Variants in TMC1 observed in about 807,000 individuals in gnomAD.
TMC1 encodes transmembrane channel-like protein 1.
TMC1 carries 84 observed loss-of-function variants against 105.8 expected under a neutral mutation model. That is an observed-to-expected ratio of 0.79 (90% CI 0.67 to 0.95). The LOEUF (loss-of-function observed/expected upper bound fraction) is 0.95. Ranked by LOEUF, TMC1 falls within the 40% of genes least tolerant of loss-of-function variation. TMC1 has a pLI of 0.00. For synonymous variants in TMC1, 315 were observed against 311.5 expected (o/e 1.01, Z -0.12); for missense variants, 817 against 914.1 (o/e 0.89, Z 1.37).
chr9:72,755,082 G>GAC (rs1270046428), intron 12 of TMC1, among the ~76,000 whole-genome samples, 198 bp downstream of exon 12: 1 of 148,996 alleles, frequency 6.7e-6, no homozygotes, highest in African/African-American at 2.5e-5. Context: ...GAGAGAGAGA[G>GAC]AGAGAGAGAG....
chr9:72,792,168 G>A, intron 16 of TMC1, 23 bp from the exon 17 acceptor site: 5 of 1,613,988 alleles, frequency 3.1e-6, no homozygotes, highest in Non-Finnish European at 4.2e-6. Context: ...CTTCATTTTA[G>A]TTTCTATCTC....
chr9:72,824,313 C>A (rs144231057), intron 20 of TMC1, among the ~76,000 whole-genome samples: 2 of 152,352 alleles, frequency 1.3e-5, no homozygotes, highest in African/African-American at 4.8e-5. Flanking sequence ...TGGCCCCTTG[C>A]CTCATCATGT....
chr9:72,788,301 T>A (rs753892376), intron 13 of TMC1, 38 bp from the exon 14 acceptor site: 1 of 1,613,654 alleles, frequency 6.2e-7, no homozygotes, highest in Non-Finnish European at 8.5e-7. Flanking sequence ...CCTATCTCAT[T>A]TTTTCTGGCT....
chr9:72,775,557 G>A (rs1231975961), intron 13 of TMC1, among the ~76,000 whole-genome samples: 1 of 152,180 alleles, frequency 6.6e-6, no homozygotes, highest in South Asian at 2.1e-4. Context: ...ACTACTGGAA[G>A]CAGTTGAATC....
chr9:72,739,914 A>C (rs186010440), intron 8 of TMC1, among the ~76,000 whole-genome samples: 1 of 152,220 alleles, frequency 6.6e-6, no homozygotes, highest in Non-Finnish European at 1.5e-5. Flanking sequence ...GTGAGACTAA[A>C]ATATCTTACT....
At chr9:72,811,429 A>G (rs1041637290) in intron 18 of TMC1, among the ~76,000 whole-genome samples, 3 of 152,176 alleles carry the variant, frequency 2.0e-5, no homozygotes, top group Non-Finnish European at 2.9e-5. Context: ...AGAGTTCATG[A>G]GGAGTAGAAT....
intron 20 of TMC1, among the ~76,000 whole-genome samples, chr9:72,824,721 C>A (rs954851796): frequency 6.6e-6 from 1 of 151,994 alleles, no homozygotes; most frequent in African/African-American, 2.4e-5. Context: ...AAGGTAGACA[C>A]GACAGTATAG....
At chr9:72,559,150 A>G (rs979145957) in intron 1 of TMC1, among the ~76,000 whole-genome samples, 14 of 150,934 alleles carry the variant, frequency 9.3e-5, no homozygotes, top group African/African-American at 3.4e-4. Context: ...GCTGGAGTGC[A>G]ATGGCGCAAT....
At chr9:72,797,252 T>C (rs1828386827) in intron 17 of TMC1, among the ~76,000 whole-genome samples, 1 of 152,156 alleles carries the variant, frequency 6.6e-6, no homozygotes, top group Admixed American at 6.5e-5. Context: ...TCAATGCTCA[T>C]ACATGGGAAG....
At chr9:72,807,344 A>C (rs557287390) in intron 18 of TMC1, among the ~76,000 whole-genome samples, 23 of 152,344 alleles carry the variant, frequency 1.5e-4, no homozygotes, top group Non-Finnish European at 2.2e-4. Flanking sequence ...ACTATATAAG[A>C]GAAAGGCATC....
chr9:72,799,517 A>G (rs945600386), intron 17 of TMC1, among the ~76,000 whole-genome samples: 5 of 152,140 alleles, frequency 3.3e-5, no homozygotes, highest in African/African-American at 1.2e-4. Flanking sequence ...TTAATGATTG[A>G]GTACAAAAAT....
intron 8 of TMC1, among the ~76,000 whole-genome samples, chr9:72,706,107 A>G (rs1431537877): frequency 6.6e-6 from 1 of 152,134 alleles, no homozygotes; most frequent in Non-Finnish European, 1.5e-5. Flanking sequence ...GGGAGAATGA[A>G]TACATTTTTA....
Position 72,637,801 on chromosome 9 carries a change from G to A in TMC1, c.-53+9738G>A, listed in dbSNP as rs1170187293. Among the ~76,000 whole-genome samples, 3 of 152,200 alleles carry A rather than the reference G, an allele frequency of 2.0e-5. No individual in the cohort carries two copies. The East Asian group carries it at 5.8e-4, about 29-fold the overall frequency. On this transcript the variant is annotated intron_variant, in intron 4 of 23. Transcript: ENST00000297784. ...ATTTTGTTCATTCTAAGTTGTTCAA[G>A]CCACGTCCTTAGATGTGGTTGATTC...
At chr9:72,757,160 A>G (rs1827687796) in intron 12 of TMC1, among the ~76,000 whole-genome samples, 1 of 152,214 alleles carries the variant, frequency 6.6e-6, no homozygotes, top group East Asian at 1.9e-4. Flanking sequence ...ATTCACTTAC[A>G]GGCTTGCTGC....
intron 2 of TMC1, among the ~76,000 whole-genome samples, chr9:72,580,024 G>A: frequency 6.6e-6 from 1 of 152,168 alleles, no homozygotes; most frequent in East Asian, 1.9e-4. Flanking sequence ...CTAAGCAGGG[G>A]TTCTGACTCA....
intron 10 of TMC1, among the ~76,000 whole-genome samples, chr9:72,744,595 T>A (rs936359454): frequency 6.6e-6 from 1 of 152,340 alleles, no homozygotes; most frequent in South Asian, 2.1e-4. Context: ...TGCTGCAGAT[T>A]AGCTGTTTGA....
At position 72,766,412 on chromosome 9, in the gene TMC1, G is replaced by A. The variant is rs371867512; in HGVS notation, c.742-6001G>A. Among the ~76,000 whole-genome samples the A allele has an allele frequency of 1.2e-4, 17 of 141,142 alleles. No individual in the cohort carries two copies. In the East Asian group the frequency reaches 2.5e-3, roughly 21 times the overall value. 92.6% of individuals were successfully genotyped at this position (141,142 alleles called of 152,430 possible). On this transcript the variant is annotated intron_variant, in intron 12 of 23. Transcript: ENST00000297784. ...AGCCTGGGTGACACGGTGAGACTCT[G>A]TCTCAAAAAAAAAAAAAAAAAAGTA... is the stretch of plus-strand genomic sequence containing the variant.
At position 72,835,954 on chromosome 9, in the gene TMC1, C is replaced by T; in HGVS notation, c.2264C>T (p.Ala755Val). ...NKKMAAARAA[A>V]AAGRQ ...TTTTTTTCTGTTTTGTGAACAGCTG[C>T]AGCTGCTGGTCGCCAGTAATAAGTA... is the stretch of plus-strand genomic sequence containing the variant. Residue 755 changes from alanine to valine, a missense_variant, in exon 24 of 24, where the codon GCA becomes GTA. Ala to Val is a moderately conservative substitution (Grantham distance 64). Transcript: ENST00000297784. 1.3e-6 allele frequency: 2 copies of T among 1,510,612 alleles called. No individual in the cohort carries two copies. Among genetic ancestry groups the T allele is most frequent in the Middle Eastern group, 1.8e-4 (1 of 5,680 alleles). The allele number at this position is 1,510,612 out of a possible 1,614,324, so 93.6% of individuals were successfully genotyped here.
At chr9:72,632,194 G>A (rs1417932293) in intron 4 of TMC1, among the ~76,000 whole-genome samples, 1 of 152,082 alleles carries the variant, frequency 6.6e-6, no homozygotes, top group African/African-American at 2.4e-5. Flanking sequence ...TGGAGTGAGA[G>A]AGAGAGAGAA....
Sources: gnomAD v4.1 joint callset for allele counts (sites outside exome capture counted in the v4.1 genomes callset) on GRCh38, gnomAD v4.1.1 for gene constraint, MANE v1.5 for transcripts, NCBI Gene and HGNC (gene_info 2026-07-23, HGNC 2026-07-21) for gene names.